The following CD244 variants were observed in gnomAD, a reference collection of about 807,000 sequenced individuals.
CD244 encodes the protein CD244 molecule.
A neutral mutation model predicts 45.5 loss-of-function variants in CD244; 20 were observed. The ratio of observed to expected loss-of-function variants is 0.44; its 90% CI spans 0.31 to 0.64. The LOEUF (loss-of-function observed/expected upper bound fraction) is 0.64. Among genes scored for constraint, CD244 ranks in the 30% least tolerant of loss-of-function variants. The pLI is 0.08. For synonymous variants in CD244, 185 were observed against 160.5 expected (o/e 1.15, Z -1.15); for missense variants, 407 against 426.9 (o/e 0.95, Z 0.41).
chr1:160,849,998 G>A (rs1288560228), intron 1 of CD244, among the ~76,000 whole-genome samples: 1 of 151,768 alleles, frequency 6.6e-6, no homozygotes, highest in African/African-American at 2.4e-5. Context: ...GGCAACAAGA[G>A]CAAAACTCCA....
chr1:160,834,041 A>AGAG lies in CD244; in HGVS notation c.960+7_960+9dup, dbSNP rs1669233422. ...ACAACACCCCACCACCACCACGGGAAGAGGCTCACCTTCCTGGAAGGCTGA... is the reference window on the plus strand; with the variant it reads ...ACAACACCCCACCACCACCACGGGAAGAGGAGGCTCACCTTCCTGGAAGGCTGA... On this transcript the variant is annotated intron_variant, in intron 7 of 8. Coordinates refer to ENST00000368034, the MANE Select transcript of CD244 (RefSeq NM_016382.4). 6.2e-7 allele frequency: 1 copy of AGAG among 1,600,792 alleles called. No homozygotes were observed. The highest frequency in any genetic ancestry group is 8.6e-7 in the Non-Finnish European group (1 of 1,167,960).
chr1:160,838,889 AG>A (rs1428323850), intron 4 of CD244, 49 bp downstream of exon 4: 1 of 1,245,844 alleles, frequency 8.0e-7, no homozygotes, highest in East Asian at 2.3e-5. Flanking sequence ...ACAAAGTCAC[AG>A]GATCCAAGGC....
chr1:160,843,159 C>G (rs1669606987), intron 1 of CD244, among the ~76,000 whole-genome samples: 1 of 152,190 alleles, frequency 6.6e-6, no homozygotes, highest in Non-Finnish European at 1.5e-5. Flanking sequence ...AATTAAAGGA[C>G]TTGTAATACT....
intron 1 of CD244, among the ~76,000 whole-genome samples, chr1:160,853,782 TAAA>T (rs5778184): frequency 1.1e-5 from 1 of 94,750 alleles, no homozygotes; most frequent in African/African-American, 4.3e-5. Flanking sequence ...AGACCCTGCC[TAAA>T]AAAAAAAAAA....
intron 4 of CD244, 88 bp from the exon 5 acceptor site, chr1:160,838,606 G>T: frequency 5.4e-6 from 5 of 918,108 alleles, no homozygotes; most frequent in Middle Eastern, 2.1e-4. Flanking sequence ...ACCCCAAATG[G>T]CCAAACCTTA....
chr1:160,860,317 A>G (rs1670252069), intron 1 of CD244, among the ~76,000 whole-genome samples: 1 of 152,166 alleles, frequency 6.6e-6, no homozygotes, highest in South Asian at 2.1e-4. Flanking sequence ...CTACAAAACA[A>G]CTGGCTTGTC....
At chr1:160,849,794 C>G (rs537689616) in intron 1 of CD244, among the ~76,000 whole-genome samples, 1 of 152,260 alleles carries the variant, frequency 6.6e-6, no homozygotes, top group African/African-American at 2.4e-5. Context: ...GGGCAGCTCA[C>G]CTGAGGTCAG....
chr1:160,838,103 G>A (rs1669395793), intron 5 of CD244, among the ~76,000 whole-genome samples: 1 of 152,220 alleles, frequency 6.6e-6, no homozygotes, highest in Non-Finnish European at 1.5e-5. Flanking sequence ...ATGAATGTAA[G>A]CCCTGACTCA....
intron 1 of CD244, chr1:160,848,394 T>C: frequency 1.8e-6 from 1 of 560,996 alleles, no homozygotes; most frequent in Non-Finnish European, 3.5e-6. Flanking sequence ...CGTGTGGTAT[T>C]TGGCAAGTTG....
chr1:160,859,473 A>G (rs1203026081), intron 1 of CD244, among the ~76,000 whole-genome samples: 1 of 152,226 alleles, frequency 6.6e-6, no homozygotes, highest in Non-Finnish European at 1.5e-5. Context: ...TTTAAATTTC[A>G]CTGTCATCAT....
At chr1:160,847,150 T>G (rs138895999) in intron 1 of CD244, among the ~76,000 whole-genome samples, 6 of 151,990 alleles carry the variant, frequency 3.9e-5, no homozygotes, top group African/African-American at 1.4e-4. Context: ...ACCAATTAAG[T>G]AGGAATAAAC....
chr1:160,861,735 G>A (rs570602936), intron 1 of CD244, among the ~76,000 whole-genome samples: 1 of 152,214 alleles, frequency 6.6e-6, no homozygotes, highest in East Asian at 1.9e-4. Flanking sequence ...TACTCGGGAG[G>A]CTGAGGCATG....
At chr1:160,835,137 T>C (rs1480956108) in intron 6 of CD244, among the ~76,000 whole-genome samples, 1 of 152,192 alleles carries the variant, frequency 6.6e-6, no homozygotes, top group African/African-American at 2.4e-5. Context: ...AAGTCTTTTA[T>C]TACTGGCCAC....
chr1:160,860,964 G>A (rs1189455230), intron 1 of CD244, among the ~76,000 whole-genome samples: 1 of 152,154 alleles, frequency 6.6e-6, no homozygotes, highest in Non-Finnish European at 1.5e-5. Context: ...ACCGTGCAAG[G>A]GCCGGCATAG....
intron 1 of CD244, chr1:160,848,291 C>A (rs1220112068): frequency 8.5e-6 from 5 of 586,868 alleles, no homozygotes; most frequent in Non-Finnish European, 1.6e-5. Flanking sequence ...GCATACAGGT[C>A]TTGGCATCTT....
intron 1 of CD244, chr1:160,848,409 G>A (rs1426636311): frequency 1.6e-5 from 9 of 556,134 alleles, no homozygotes; most frequent in South Asian, 1.1e-4. Context: ...AAGTTGAAAG[G>A]GGGCATGAAT....
intron 8 of CD244, among the ~76,000 whole-genome samples, chr1:160,831,963 G>A (rs1415302500): frequency 6.6e-6 from 1 of 152,128 alleles, no homozygotes; most frequent in Non-Finnish European, 1.5e-5. Flanking sequence ...TCCATGTGAA[G>A]ACACTGGCAG....
Position 160,831,295 on chromosome 1 carries a change from A to G in CD244, c.*52T>C, listed in dbSNP as rs2101854380. 1 of 1,380,758 alleles carries G rather than the reference A, an allele frequency of 7.2e-7. No homozygotes were observed. Among genetic ancestry groups the G allele is most frequent in the Non-Finnish European group, 1.0e-6 (1 of 967,234 alleles). 85.5% of individuals were successfully genotyped at this position (1,380,758 alleles called of 1,614,324 possible). On this transcript the variant is annotated 3_prime_UTR_variant, in exon 9 of 9. Coordinates refer to ENST00000368034, the MANE Select transcript of CD244 (RefSeq NM_016382.4). ...CTCCTGTGCCGTCATCCACTGTGCC[A>G]ATTCCCAAAGCAGATGCTGATGTGC...
At chr1:160,844,956 G>A (rs1445383422) in intron 1 of CD244, among the ~76,000 whole-genome samples, 1 of 152,068 alleles carries the variant, frequency 6.6e-6, no homozygotes, top group Non-Finnish European at 1.5e-5. Context: ...TAGCCTGCAT[G>A]ACAGAGCAAG....
Sources: allele counts gnomAD v4.1 joint callset (sites outside exome capture counted in the v4.1 genomes callset), GRCh38; gene constraint gnomAD v4.1.1; transcripts MANE v1.5; gene names NCBI Gene and HGNC (gene_info 2026-07-23, HGNC 2026-07-21).